Variants in APP observed in about 807,000 individuals in gnomAD.
The protein encoded by APP is amyloid-beta precursor protein.
APP carries 31 observed loss-of-function variants against 101.4 expected under a neutral mutation model. That is an observed-to-expected ratio of 0.31 (90% confidence interval 0.23 to 0.41). The LOEUF is 0.41. Ranked by LOEUF, APP falls within the 10% of genes least tolerant of loss-of-function variation. The probability of loss-of-function intolerance (pLI) is 1.00; values close to 1 mark genes in which losing one functional copy is unlikely to be tolerated. For synonymous variants in APP, 366 were observed against 364.4 expected (o/e 1.00, Z -0.05); for missense variants, 839 against 1,003.7 (o/e 0.84, Z 2.22).
chr21:25,902,370 G>A (rs926320506), intron 15 of APP, among the ~76,000 whole-genome samples: 8 of 152,158 alleles, frequency 5.3e-5, no homozygotes, highest in African/African-American at 1.2e-4. Flanking sequence ...TACAAAACAC[G>A]GGGAAATTAG....
chr21:26,111,164 G>C (rs865972771), intron 2 of APP, among the ~76,000 whole-genome samples: 7 of 144,974 alleles, frequency 4.8e-5, no homozygotes, highest in Non-Finnish European at 7.5e-5. Flanking sequence ...GGAAAAATAT[G>C]TATTTTCTTT....
chr21:26,016,787 G>C (rs1038901676), intron 6 of APP, among the ~76,000 whole-genome samples: 14 of 152,108 alleles, frequency 9.2e-5, no homozygotes, highest in Non-Finnish European at 1.5e-4. Flanking sequence ...AGCCAGGATG[G>C]CCTTAATCTC....
In APP at chr21:25,897,569, G is replaced by T. The variant is rs761685279; in HGVS notation, c.2064+4C>A. On this transcript the variant is annotated splice_donor_region_variant and intron_variant, in intron 16 of 17. Coordinates refer to ENST00000346798, the MANE Select transcript of APP (RefSeq NM_000484.4). Reference sequence around the variant, plus strand: ...AGTGGAAAGAGGTAAATTATTTTACGTACCAATTTTTGATGATGAACTTCA... The same window carrying T: ...AGTGGAAAGAGGTAAATTATTTTACTTACCAATTTTTGATGATGAACTTCA... 4 of 1,605,612 alleles carry T rather than the reference G, an allele frequency of 2.5e-6. No individual in the cohort carries two copies. The highest frequency in any genetic ancestry group is 3.4e-6 in the Non-Finnish European group (4 of 1,172,294).
intron 15 of APP, among the ~76,000 whole-genome samples, chr21:25,902,035 G>T (rs2038525733): frequency 6.6e-6 from 1 of 152,182 alleles, no homozygotes; most frequent in East Asian, 1.9e-4. Context: ...TGGCCACTAT[G>T]CCCCCAAATC....
At chr21:26,169,594 G>A (rs2063694743) in intron 1 of APP, among the ~76,000 whole-genome samples, 1 of 152,246 alleles carries the variant, frequency 6.6e-6, no homozygotes, top group African/African-American at 2.4e-5. Flanking sequence ...ATCCGAGGGT[G>A]GGAAGCAGAG....
chr21:26,008,607 G>A (rs117127021), intron 6 of APP, among the ~76,000 whole-genome samples: 1 of 152,224 alleles, frequency 6.6e-6, no homozygotes, highest in East Asian at 1.9e-4. Context: ...GCTACTAATG[G>A]CTATGGCTTA....
chr21:25,941,552 C>A (rs1425490956), intron 13 of APP: 1 of 152,322 alleles, frequency 6.6e-6, no homozygotes, highest in Admixed American at 6.5e-5. Context: ...TCTCGGCTCA[C>A]TGCAACCTTC....
At chr21:25,901,670 G>A (rs1207632030) in intron 15 of APP, among the ~76,000 whole-genome samples, 1 of 152,182 alleles carries the variant, frequency 6.6e-6, no homozygotes. Flanking sequence ...AGGGACCTTG[G>A]TTTGCAGGCT....
chr21:25,961,464 T>C (rs776456567), intron 11 of APP, among the ~76,000 whole-genome samples: 12 of 152,230 alleles, frequency 7.9e-5, no homozygotes, highest in Non-Finnish European at 1.3e-4. Context: ...CCCTATACTT[T>C]TATATTTTTG....
At chr21:25,883,934 G>A (rs1179051621) in intron 17 of APP, among the ~76,000 whole-genome samples, 2 of 151,832 alleles carry the variant, frequency 1.3e-5, no homozygotes, top group African/African-American at 2.4e-5. Flanking sequence ...TGCTCTTGTT[G>A]CCCAGGCAAT....
rs1428668753 is a variant in APP, at chr21:25,911,800, T to C, written c.1850A>G (p.Asp617Gly). 6.2e-7 allele frequency: 1 copy of C among 1,614,134 alleles called. No homozygotes were observed. Among genetic ancestry groups the C allele is most frequent in the African/African-American group, 1.3e-5 (1 of 75,028 alleles). Residue 617 changes from aspartate (D) to glycine (G), a missense_variant, in exon 14 of 18, where the codon GAT (aspartate) becomes GGT (glycine). Asp to Gly is a moderately conservative substitution (Grantham distance 94, BLOSUM62 -1). Transcript: ENST00000346798. ...LPVNGEFSLD[D>G]LQPWHSFGAD... is the part of the protein sequence containing the mutation. The stretch of plus-strand genomic sequence containing the variant: ...CCCAAAAGAATGCCACGGCTGGAGA[T>C]CGTCCAGGCTGAACTCTCCATTCAC...
chr21:26,116,947 T>A lies in APP; in HGVS notation c.58-4801A>T, dbSNP rs573341323. Reference sequence around the variant, plus strand: ...CCCAGACTAGAGTGCAGTGGCATGATCTCGGCTCACTGCAACCTCTCCGCC... The same window carrying A: ...CCCAGACTAGAGTGCAGTGGCATGAACTCGGCTCACTGCAACCTCTCCGCC... On this transcript the variant is annotated intron_variant, in intron 1 of 17. Coordinates refer to ENST00000346798, the MANE Select transcript of APP (RefSeq NM_000484.4). Among the ~76,000 whole-genome samples the A allele has an allele frequency of 2.0e-5, 3 of 152,318 alleles. No homozygotes were observed. The East Asian group carries it at 5.8e-4, about 29-fold the overall frequency.
chr21:25,953,591 T>C (rs1437230294), intron 13 of APP, among the ~76,000 whole-genome samples: 1 of 152,182 alleles, frequency 6.6e-6, no homozygotes, highest in East Asian at 1.9e-4. Flanking sequence ...GCCAGATACA[T>C]ATTGCTTATA....
intron 1 of APP, among the ~76,000 whole-genome samples, chr21:26,113,391 A>C (rs1364327865): frequency 1.3e-5 from 2 of 152,196 alleles, no homozygotes; most frequent in Admixed American, 1.3e-4. Flanking sequence ...TAAATGTAAA[A>C]TAAGATACCT....
At chr21:26,012,466 A>T (rs2043851522) in intron 6 of APP, among the ~76,000 whole-genome samples, 1 of 152,214 alleles carries the variant, frequency 6.6e-6, no homozygotes, top group Non-Finnish European at 1.5e-5. Flanking sequence ...ACAAAAAGTC[A>T]GGCATATTGG....
intron 15 of APP, 133 bp from the exon 16 acceptor site, chr21:25,897,806 TAAAG>T: frequency 1.4e-6 from 1 of 727,960 alleles, no homozygotes; most frequent in South Asian, 1.5e-5. Flanking sequence ...AAATGACTCT[TAAAG>T]AAAAATGATA....
chr21:25,926,296 C>A (rs1425301876), intron 13 of APP, among the ~76,000 whole-genome samples: 1 of 152,180 alleles, frequency 6.6e-6, no homozygotes, highest in East Asian at 1.9e-4. Flanking sequence ...CGGGCCTTCA[C>A]TAGTGAGTAA....
chr21:26,047,264 C>G (rs549011459), intron 5 of APP, among the ~76,000 whole-genome samples: 1 of 152,288 alleles, frequency 6.6e-6, no homozygotes, highest in African/African-American at 2.4e-5. Context: ...CATTAACTAC[C>G]AAACAACAAA....
Position 25,991,129 on chromosome 21 carries a change from T to C in APP, c.1090+6231A>G, listed in dbSNP as rs115166289. Among the ~76,000 whole-genome samples, 1,397 of 152,252 alleles carry C rather than the reference T, an allele frequency of 9.2e-3. 18 individuals carry two copies. Among genetic ancestry groups the C allele is most frequent in the African/African-American group, 0.031 (1,279 of 41,526 alleles). On this transcript the variant is annotated intron_variant, in intron 8 of 17. Coordinates refer to ENST00000346798, the MANE Select transcript of APP (RefSeq NM_000484.4). ...GCTAAGCTATGATTATGCAAAGGCATAGAGTGGCATAATGGACATTGGAGA... is the reference window on the plus strand; with the variant it reads ...GCTAAGCTATGATTATGCAAAGGCACAGAGTGGCATAATGGACATTGGAGA...
Sources: gnomAD v4.1 joint callset for allele counts (sites outside exome capture counted in the v4.1 genomes callset) on GRCh38, gnomAD v4.1.1 for gene constraint, MANE v1.5 for transcripts, NCBI Gene and HGNC (gene_info 2026-07-23, HGNC 2026-07-21) for gene names.